Variants in STX1B observed in about 807,000 individuals in gnomAD.
STX1B encodes the protein syntaxin-1B.
STX1B carries 7 observed loss-of-function variants against 39.4 expected under a neutral mutation model. The observed-to-expected ratio is 0.18, with a 90% confidence interval of 0.10 to 0.33. STX1B has a LOEUF of 0.33. Ranked by LOEUF, STX1B falls within the 10% of genes least tolerant of loss-of-function variation. The pLI is 1.00. For synonymous variants in STX1B, 136 were observed against 144.1 expected (o/e 0.94, Z 0.40); for missense variants, 198 against 383.2 (o/e 0.52, Z 4.04).
intron 7 of STX1B, among the ~76,000 whole-genome samples, chr16:30,995,217 C>G (rs1221320483): frequency 6.6e-6 from 1 of 152,128 alleles, no homozygotes. Flanking sequence ...GGCTCAAGCC[C>G]TCCATCCTCC....
chr16:31,010,361 G>T lies in STX1B; in HGVS notation c.30+6C>A. The T allele has an allele frequency of 2.1e-6, 2 of 964,984 alleles. No homozygotes were observed. The highest frequency in any genetic ancestry group is 3.1e-6 in the Non-Finnish European group (2 of 655,692). The allele number at this position is 964,984 out of a possible 1,614,324, so 59.8% of individuals were successfully genotyped here. ...GCCCCCCCATTCTCCCCACCCCCAAGCTCACACTCCGCAGCTCTTGAGTCC... is the reference window on the plus strand; with the variant it reads ...GCCCCCCCATTCTCCCCACCCCCAATCTCACACTCCGCAGCTCTTGAGTCC... On this transcript the variant is annotated splice_donor_region_variant and intron_variant, in intron 1 of 9. Transcript: ENST00000215095.
chr16:31,009,316 C>T (rs910473964), intron 1 of STX1B, among the ~76,000 whole-genome samples: 2 of 152,202 alleles, frequency 1.3e-5, no homozygotes, highest in African/African-American at 4.8e-5. Context: ...CTTCCCACGC[C>T]TGAATCTCAG....
rs1007395889 is a variant in STX1B at position 30,995,652 on chromosome 16, G to A, written c.537+1031C>T. Among the ~76,000 whole-genome samples, 24 of 151,938 alleles carry A rather than the reference G, an allele frequency of 1.6e-4. 2 individuals carry two copies. The highest frequency in any genetic ancestry group is 3.1e-4 in the Non-Finnish European group (21 of 67,994). ...ATTACAGGCACGTGCCACCATGCCCGGCTAATTTTTGTATTTTTAATAGAG... is the reference window on the plus strand; with the variant it reads ...ATTACAGGCACGTGCCACCATGCCCAGCTAATTTTTGTATTTTTAATAGAG... On this transcript the variant is annotated intron_variant, in intron 7 of 9. Coordinates refer to ENST00000215095, the MANE Select transcript of STX1B (RefSeq NM_052874.5).
chr16:30,996,846 C>A, intron 6 of STX1B, 90 bp from the exon 7 acceptor site: 1 of 1,569,100 alleles, frequency 6.4e-7, no homozygotes, highest in Non-Finnish European at 8.7e-7. Context: ...GGCCCACCCT[C>A]CCACGCCGCC....
Position 31,001,322 on chromosome 16 carries a change from G to C in STX1B, c.106-129C>G. Reference sequence around the variant, plus strand: ...TGATAAAAGGCCAGGGAGGGTGCAGGAGCAGGGAAGTGGGGGACAGGGAAA... The same window carrying C: ...TGATAAAAGGCCAGGGAGGGTGCAGCAGCAGGGAAGTGGGGGACAGGGAAA... On this transcript the variant is annotated intron_variant, in intron 2 of 9. Coordinates refer to ENST00000215095, the MANE Select transcript of STX1B (RefSeq NM_052874.5). The surrounding 1 kb of genome is among the most constrained non-coding windows in gnomAD (Gnocchi z 5.5). The C allele has an allele frequency of 1.0e-6, 1 of 954,656 alleles. No individual in the cohort carries two copies. Among genetic ancestry groups the C allele is most frequent in the East Asian group, 2.6e-5 (1 of 38,574 alleles). The allele number at this position is 954,656 out of a possible 1,614,324, so 59.1% of individuals were successfully genotyped here. A position where few individuals can be genotyped will look rare whatever the true frequency, so the allele number is the denominator to read the frequency against.
chr16:31,010,276 C>T, intron 1 of STX1B, 91 bp downstream of exon 1: 1 of 1,048,946 alleles, frequency 9.5e-7, no homozygotes, highest in Non-Finnish European at 1.3e-6. Flanking sequence ...CATCCTTCGC[C>T]CCCACGTCCC....
chr16:31,006,710 G>T (rs1437009723), intron 1 of STX1B, among the ~76,000 whole-genome samples: 1 of 152,206 alleles, frequency 6.6e-6, no homozygotes, highest in Non-Finnish European at 1.5e-5. Flanking sequence ...CTGTGCCACA[G>T]TGCTGGGGAA....
chr16:31,001,506 TG>T lies in STX1B; in HGVS notation c.105+22del. ...TGGGTGCTGGGGCTGGGGCTGGGGC[TG>T]GGGGCCTTGGAGGCCCATTACCTGT... On this transcript the variant is annotated intron_variant, in intron 2 of 9. Transcript: ENST00000215095. This position sits in a 1 kb window ranked among gnomAD's most constrained non-coding sequence, Gnocchi z 5.5. 6.4e-7 allele frequency: 1 copy of T among 1,559,036 alleles called. No individual in the cohort carries two copies. The highest frequency in any genetic ancestry group is 8.7e-7 in the Non-Finnish European group (1 of 1,143,380).
Position 30,992,549 on chromosome 16 carries a change from C to A in STX1B, c.*272G>T. Reference sequence around the variant, plus strand: ...ATCACACACATCACACGCACACGCACGCTGGGGTGTCCACACGTCTCGAGC... The same window carrying A: ...ATCACACACATCACACGCACACGCAAGCTGGGGTGTCCACACGTCTCGAGC... On this transcript the variant is annotated 3_prime_UTR_variant, in exon 10 of 10. Transcript: ENST00000215095. 2.4e-6 allele frequency: 1 copy of A among 424,062 alleles called. No individual in the cohort carries two copies. Among genetic ancestry groups the A allele is most frequent in the Non-Finnish European group, 4.3e-6 (1 of 231,892 alleles). 26.3% of individuals were successfully genotyped at this position (424,062 alleles called of 1,614,324 possible).
intron 4 of STX1B, among the ~76,000 whole-genome samples, chr16:30,998,219 G>A (rs760282097): frequency 6.6e-5 from 10 of 152,252 alleles, no homozygotes; most frequent in Non-Finnish European, 1.3e-4. Flanking sequence ...AAGCACTCCT[G>A]ACACTATCGT....
chr16:31,007,133 A>C (rs965341155), intron 1 of STX1B, among the ~76,000 whole-genome samples: 1 of 152,118 alleles, frequency 6.6e-6, no homozygotes, highest in African/African-American at 2.4e-5. Flanking sequence ...TTTAAATATA[A>C]ATAAAGGCAG....
Position 30,997,512 on chromosome 16 carries a change from C to A in STX1B, c.344G>T (p.Arg115Leu). 1 of 1,606,618 alleles carries A rather than the reference C, an allele frequency of 6.2e-7. No homozygotes were observed. Among genetic ancestry groups the A allele is most frequent in the Non-Finnish European group, 8.5e-7 (1 of 1,177,284 alleles). ...GCTGCCGCCTCCTACCTGGGTCTTG[C>A]GGATGCGCAGGTCCGCGGAGGAACG... is the stretch of plus-strand genomic sequence containing the variant. ...LNRSSADLRIRKTQHSTLSRK... is the reference protein window; with the variant it reads ...LNRSSADLRILKTQHSTLSRK... The change falls in exon 5 of 10, where the codon CGC (arginine) becomes CTC (leucine). Residue 115 changes from arginine (R) to leucine (L), a missense_variant. By Grantham distance (102) the Arg-to-Leu change is moderately radical (BLOSUM62 -2). Transcript: ENST00000215095.
intron 1 of STX1B, among the ~76,000 whole-genome samples, chr16:31,003,890 C>T (rs1410130716): frequency 1.3e-5 from 2 of 152,194 alleles, no homozygotes; most frequent in Non-Finnish European, 2.9e-5. Context: ...CATCATCGTC[C>T]CCATTTCACA....
Position 30,992,810 on chromosome 16 carries a change from GT to G in STX1B, c.*10del. On this transcript the variant is annotated 3_prime_UTR_variant, in exon 10 of 10. Coordinates refer to ENST00000215095, the MANE Select transcript of STX1B (RefSeq NM_052874.5). ...GGGGAAGGGTCTGGGAGAGAGAAGG[GT>G]GGGGGGGGCCTACAAGCCCAGCGTC... 1 of 1,582,838 alleles carries G rather than the reference GT, an allele frequency of 6.3e-7. No individual in the cohort carries two copies.
chr16:30,997,923 C>T (rs181706754), intron 4 of STX1B, among the ~76,000 whole-genome samples: 4 of 152,330 alleles, frequency 2.6e-5, no homozygotes, highest in East Asian at 1.9e-4. Flanking sequence ...GCCCAGCCCG[C>T]GTGAAGGGGC....
intron 1 of STX1B, among the ~76,000 whole-genome samples, chr16:31,006,190 AG>A (rs1345766745): frequency 6.6e-6 from 1 of 152,118 alleles, no homozygotes; most frequent in Non-Finnish European, 1.5e-5. Flanking sequence ...CAGGGGTGCA[AG>A]CATCATCGTT....
chr16:31,007,676 C>T (rs2143687901), intron 1 of STX1B, among the ~76,000 whole-genome samples: 1 of 152,250 alleles, frequency 6.6e-6, no homozygotes, highest in South Asian at 2.1e-4. Flanking sequence ...CCCCTCTGGC[C>T]CTCAATGTAC....
intron 1 of STX1B, among the ~76,000 whole-genome samples, chr16:31,002,737 G>C (rs891909955): frequency 2.0e-5 from 3 of 152,160 alleles, no homozygotes; most frequent in African/African-American, 7.2e-5. Context: ...GACATCTGGA[G>C]CCCTGATCAG....
At chr16:30,998,267 C>T (rs9788865) in intron 4 of STX1B, among the ~76,000 whole-genome samples, 102,089 of 152,246 alleles carry the variant, frequency 0.67, 36,217 homozygotes, top group East Asian at 0.96. Context: ...CAAAATCTAC[C>T]TCGGTGAGAT....
Sources: allele counts gnomAD v4.1 joint callset (sites outside exome capture counted in the v4.1 genomes callset), GRCh38; gene constraint gnomAD v4.1.1; non-coding constraint Gnocchi (gnomAD v3.1); transcripts MANE v1.5; gene names NCBI Gene and HGNC (gene_info 2026-07-23, HGNC 2026-07-21).